APLP2: variants seen among roughly 807,000 people sequenced by gnomAD.
The protein encoded by APLP2 is amyloid beta precursor like protein 2.
Under a neutral mutation model 89.9 loss-of-function variants are expected in APLP2, and 53 were observed. The observed-to-expected ratio is 0.59, with a 90% CI of 0.47 to 0.74. APLP2 has a LOEUF of 0.74. Among genes scored for constraint, APLP2 ranks in the 30% least tolerant of loss-of-function variants. APLP2 has a pLI of 0.00. For missense variants in APLP2, 973 were observed against 975.9 expected, an observed-to-expected ratio of 1.00 and a Z score of 0.04; for synonymous variants, 372 against 348.6, an observed-to-expected ratio of 1.07 and a Z score of -0.75.
rs760923130 is a variant in APLP2 at position 130,122,402 on chromosome 11, C to G, written c.811C>G (p.Arg271Gly). ...EEEGEEVVEDRDYYYDTFKGD... is the reference protein window; with the variant it reads ...EEEGEEVVEDGDYYYDTFKGD... ...AGAAGGGGAGGAAGTGGTGGAGGACCGAGATTACTACTATGACACCTTCAA... is the reference window on the plus strand; with the variant it reads ...AGAAGGGGAGGAAGTGGTGGAGGACGGAGATTACTACTATGACACCTTCAA... Residue 271 changes from arginine to glycine, a missense_variant, in exon 6 of 17, where the codon CGA (arginine) becomes GGA (glycine). Physicochemically the swap from Arg to Gly is moderately radical, Grantham distance 125. Transcript: ENST00000338167. 1 of 1,614,010 alleles carries G rather than the reference C, an allele frequency of 6.2e-7. No homozygotes were observed. The highest frequency in any genetic ancestry group is 2.2e-5 in the East Asian group (1 of 44,878).
At chr11:130,131,554 T>C (rs1950940410) in intron 11 of APLP2, among the ~76,000 whole-genome samples, 1 of 152,184 alleles carries the variant, frequency 6.6e-6, no homozygotes. Context: ...GCTCAGGACT[T>C]TGCTTCACGC....
intron 3 of APLP2, among the ~76,000 whole-genome samples, chr11:130,117,724 TTTTAC>T (rs1270633607): frequency 6.6e-6 from 1 of 152,206 alleles, no homozygotes; most frequent in Non-Finnish European, 1.5e-5. Context: ...TACAGCTTGC[TTTTAC>T]TTTACATCAT....
At position 130,141,529 on chromosome 11, in the gene APLP2, T is replaced by C. The variant is rs373613121; in HGVS notation, c.1955T>C (p.Met652Thr). Reference sequence around the variant, plus strand: ...GACGAGACTCTGGATGTTAAGGAAATGATTTTCAATGCCGAGAGAGTTGGA... The same window carrying C: ...GACGAGACTCTGGATGTTAAGGAAACGATTTTCAATGCCGAGAGAGTTGGA... The part of the protein sequence containing the change: ...VIDETLDVKE[M>T]IFNAERVGGL... The change falls in exon 15 of 17, where the codon ATG (methionine) becomes ACG (threonine). Residue 652 changes from methionine (M) to threonine (T), a missense_variant. Physicochemically the swap from Met to Thr is moderately conservative, Grantham distance 81 (BLOSUM62 -1). Coordinates refer to ENST00000338167, the MANE Select transcript of APLP2 (RefSeq NM_001142276.2). This position sits in a 1 kb window ranked among gnomAD's most constrained non-coding sequence, Gnocchi z 4.2. 3 of 1,613,866 alleles carry C rather than the reference T, an allele frequency of 1.9e-6. No individual in the cohort carries two copies. The highest frequency in any genetic ancestry group is 2.5e-6 in the Non-Finnish European group (3 of 1,180,018).
chr11:130,142,361 A>T (rs1444901221), intron 16 of APLP2, among the ~76,000 whole-genome samples: 2 of 151,822 alleles, frequency 1.3e-5, no homozygotes, highest in African/African-American at 4.8e-5. Context: ...TTATTTCCTT[A>T]GTGTTCCTTT....
chr11:130,143,550 T>C lies in APLP2; in HGVS notation c.*102T>C, dbSNP rs1283412273. 1.1e-6 allele frequency: 1 copy of C among 943,700 alleles called. No individual in the cohort carries two copies. The highest frequency in any genetic ancestry group is 1.8e-5 in the Admixed American group (1 of 55,172). 58.5% of individuals were successfully genotyped at this position (943,700 alleles called of 1,614,324 possible). ...GCAGCAGCCGCTGCCAGGGGCTGCG[T>C]CTGACATCCTGACCTCCTGGACTGT... On this transcript the variant is annotated 3_prime_UTR_variant, in exon 17 of 17. Coordinates refer to ENST00000338167, the MANE Select transcript of APLP2 (RefSeq NM_001142276.2).
At chr11:130,125,378 TC>T (rs150845604) in intron 7 of APLP2, among the ~76,000 whole-genome samples, 7,414 of 152,244 alleles carry the variant, frequency 0.049, 612 homozygotes, top group African/African-American at 0.17. Flanking sequence ...GTGTCACTGA[TC>T]CGCATGATGG....
At chr11:130,098,538 C>T (rs1265838981) in intron 1 of APLP2, among the ~76,000 whole-genome samples, 2 of 152,150 alleles carry the variant, frequency 1.3e-5, no homozygotes, top group Admixed American at 1.3e-4. Flanking sequence ...GTGGTTTTAA[C>T]CTCTTGAAGT....
intron 1 of APLP2, among the ~76,000 whole-genome samples, chr11:130,080,731 T>C (rs1481515633): frequency 6.7e-6 from 1 of 148,700 alleles, no homozygotes; most frequent in South Asian, 2.2e-4. Flanking sequence ...GAGTCTTGCT[T>C]TGTTGCCCAG....
At position 130,141,264 on chromosome 11, in the gene APLP2, G is replaced by C; in HGVS notation, c.1924-234G>C. On this transcript the variant is annotated intron_variant, in intron 14 of 16. Coordinates refer to ENST00000338167, the MANE Select transcript of APLP2 (RefSeq NM_001142276.2). The surrounding 1 kb of genome is among the most constrained non-coding windows in gnomAD (Gnocchi z 4.2). ...ACGTCTCCACAACGGTTACTTGAAGGAAAATGCATACGGGACCAGCTGCCA... is the reference window on the plus strand; with the variant it reads ...ACGTCTCCACAACGGTTACTTGAAGCAAAATGCATACGGGACCAGCTGCCA... 1.9e-6 allele frequency: 1 copy of C among 519,624 alleles called. No individual in the cohort carries two copies. The highest frequency in any genetic ancestry group is 3.4e-6 in the Non-Finnish European group (1 of 290,662). The allele number at this position is 519,624 out of a possible 1,614,324, so 32.2% of individuals were successfully genotyped here. A position where few individuals can be genotyped will look rare whatever the true frequency, so the allele number is the denominator to read the frequency against.
intron 1 of APLP2, among the ~76,000 whole-genome samples, chr11:130,080,611 C>T (rs1231441141): frequency 6.6e-6 from 1 of 151,958 alleles, no homozygotes; most frequent in Non-Finnish European, 1.5e-5. Flanking sequence ...AGGACACTAG[C>T]AATCCAGGAT....
chr11:130,075,456 G>A (rs549021341), intron 1 of APLP2, among the ~76,000 whole-genome samples: 4 of 152,302 alleles, frequency 2.6e-5, no homozygotes, highest in South Asian at 2.1e-4. Flanking sequence ...TGTGCTAGAT[G>A]CTAAACAGTA....
intron 13 of APLP2, chr11:130,137,125 T>C (rs1311171118): frequency 2.5e-6 from 2 of 812,302 alleles, no homozygotes; most frequent in African/African-American, 1.7e-5. Flanking sequence ...GCAGGGTGTT[T>C]TTAAGGAGGA....
In APLP2 at chr11:130,123,928, A is replaced by G. The variant is rs78611322; in HGVS notation, c.1090+149A>G. 4.1e-3 allele frequency: 3,563 copies of G among 862,242 alleles called. 84 individuals carry two copies. In the East Asian group the frequency reaches 0.07, roughly 17 times the overall value. The allele number at this position is 862,242 out of a possible 1,614,324, so 53.4% of individuals were successfully genotyped here. ...TCTTCCCCTCATCTTTGTGCTTTCTAGATCTAGGCTTTGCTCTCCTGCCGG... is the reference window on the plus strand; with the variant it reads ...TCTTCCCCTCATCTTTGTGCTTTCTGGATCTAGGCTTTGCTCTCCTGCCGG... On this transcript the variant is annotated intron_variant, in intron 7 of 16. Transcript: ENST00000338167. The surrounding 1 kb of genome is among the most constrained non-coding windows in gnomAD (Gnocchi z 4.0).
intron 11 of APLP2, among the ~76,000 whole-genome samples, chr11:130,130,537 C>T (rs1950823242): frequency 6.6e-6 from 1 of 152,176 alleles, no homozygotes; most frequent in Non-Finnish European, 1.5e-5. Context: ...TTTAGACAGA[C>T]ACTTTTACAT....
At chr11:130,140,563 C>T in intron 14 of APLP2, 80 bp downstream of exon 14, 1 of 1,189,010 alleles carries the variant, frequency 8.4e-7, no homozygotes, top group South Asian at 1.6e-5. Flanking sequence ...CAGATGCTTC[C>T]AGGTGCACGT....
Position 130,121,798 on chromosome 11 carries a change from A to T in APLP2, c.701A>T (p.Asp234Val), listed in dbSNP as rs1333921318. Residue 234 changes from aspartate to valine, a missense_variant, in exon 5 of 17, where the codon GAT becomes GTT. Physicochemically the swap from Asp to Val is radical, Grantham distance 152. Coordinates refer to ENST00000338167, the MANE Select transcript of APLP2 (RefSeq NM_001142276.2). ...GAGGAAGATGAAGAGGAAGACTATG[A>T]TGTTTATAAAAGGTAACTCTTCTAC... The part of the protein sequence containing the change: ...EEEEDEEEDY[D>V]VYKSEFPTEA... The T allele has an allele frequency of 1.9e-6, 3 of 1,611,430 alleles. No homozygotes were observed. The African/African-American group carries it at 4.0e-5, about 22-fold the overall frequency.
rs1949854534 is a variant in APLP2 at position 130,121,790 on chromosome 11, A to C, written c.693A>C (p.Glu231Asp). 3 of 1,612,730 alleles carry C rather than the reference A, an allele frequency of 1.9e-6. No homozygotes were observed. The highest frequency in any genetic ancestry group is 1.7e-6 in the Non-Finnish European group (2 of 1,179,998). ...EEEEEEEDEE[E>D]DYDVYKSEFP... ...AAGAGGAAGAGGAAGATGAAGAGGA[A>C]GACTATGATGTTTATAAAAGGTAAC... The change falls in exon 5 of 17, where the codon GAA becomes GAC. Residue 231 changes from glutamate to aspartate, a missense_variant. Glu to Asp is a conservative substitution (Grantham distance 45). Coordinates refer to ENST00000338167, the MANE Select transcript of APLP2 (RefSeq NM_001142276.2).
At chr11:130,072,990 T>G (rs1941416795) in intron 1 of APLP2, among the ~76,000 whole-genome samples, 1 of 152,232 alleles carries the variant, frequency 6.6e-6, no homozygotes. Context: ...TTAATTTTAA[T>G]TAATTTAAGT....
Position 130,120,833 on chromosome 11 carries a change from G to A in APLP2, c.516+15G>A, listed in dbSNP as rs1436513246. The A allele has an allele frequency of 6.3e-7, 1 of 1,581,062 alleles. No individual in the cohort carries two copies. Among genetic ancestry groups the A allele is most frequent in the South Asian group, 1.1e-5 (1 of 90,394 alleles). ...TAGTCAAAGAGGTAAGAGAACTCGG[G>A]GGGAAAGTCAGCTGCTGTTGTATCT... On this transcript the variant is annotated intron_variant, in intron 4 of 16. Transcript: ENST00000338167.
Sources: allele counts gnomAD v4.1 joint callset (sites outside exome capture counted in the v4.1 genomes callset), GRCh38; gene constraint gnomAD v4.1.1; non-coding constraint Gnocchi (gnomAD v3.1); transcripts MANE v1.5; gene names NCBI Gene and HGNC (gene_info 2026-07-23, HGNC 2026-07-21).